Variants in GAN observed in about 807,000 individuals in gnomAD.
GAN encodes the protein epididymis secretory sperm binding protein.
Under a neutral mutation model 71.3 loss-of-function variants are expected in GAN, and 48 were observed. The ratio of observed to expected loss-of-function variants is 0.67; its 90% CI spans 0.53 to 0.86. The LOEUF is 0.86. Among genes scored for constraint, GAN ranks in the 40% least tolerant of loss-of-function variants. GAN has a pLI of 0.00. For synonymous variants in GAN, 386 were observed against 276.8 expected, an observed-to-expected ratio of 1.39 and a Z score of -3.92; for missense variants, 928 against 770.1, an observed-to-expected ratio of 1.21 and a Z score of -2.43.
rs1441344661 is a variant in GAN, at chr16:81,383,971, C to T, written c.*6375C>T. On this transcript the variant is annotated 3_prime_UTR_variant, in exon 11 of 11. Coordinates refer to ENST00000648994, the MANE Select transcript of GAN (RefSeq NM_022041.4). ...GGGTACCTTATTTTTATTGTTTTTACTCATCAGTTATGAATAAGGCATACC... is the reference window on the plus strand; with the variant it reads ...GGGTACCTTATTTTTATTGTTTTTATTCATCAGTTATGAATAAGGCATACC... The T allele has an allele frequency of 6.6e-6, 1 of 151,986 alleles. No individual in the cohort carries two copies. The highest frequency in any genetic ancestry group is 1.5e-5 in the Non-Finnish European group (1 of 68,006). The allele number at this position is 151,986 out of a possible 1,614,324, so 9.4% of individuals were successfully genotyped here.
intron 9 of GAN, among the ~76,000 whole-genome samples, chr16:81,368,066 C>T (rs76967320): frequency 0.032 from 4,864 of 152,232 alleles, 116 homozygotes; most frequent in Non-Finnish European, 0.05. Flanking sequence ...CTTGTCTTTC[C>T]TGTCTTTGTT....
At chr16:81,335,746 CAAAAAAA>C (rs55948723) in intron 1 of GAN, among the ~76,000 whole-genome samples, 1 of 103,482 alleles carries the variant, frequency 9.7e-6, no homozygotes, top group South Asian at 3.4e-4. Flanking sequence ...GACTCAGTCT[CAAAAAAA>C]AAAAAAAAAA....
chr16:81,375,146 A>G (rs1009628815), intron 9 of GAN, among the ~76,000 whole-genome samples: 6 of 152,134 alleles, frequency 3.9e-5, no homozygotes, highest in African/African-American at 1.4e-4. Context: ...GTTCTTCAAA[A>G]GAGTCCATTA....
chr16:81,377,341 C>T lies in GAN; in HGVS notation c.1612+13C>T, dbSNP rs80326128. On this transcript the variant is annotated intron_variant, in intron 10 of 10. Transcript: ENST00000648994. The stretch of plus-strand genomic sequence containing the variant: ...GATCTTGATACAGGTAAGAGTGTTA[C>T]AGTGATTTTCTTGGAACTGTTTCCT... The T allele has an allele frequency of 6.3e-7, 1 of 1,580,004 alleles. No individual in the cohort carries two copies. The highest frequency in any genetic ancestry group is 1.3e-5 in the African/African-American group (1 of 74,232).
chr16:81,349,524 G>C (rs1910229694), intron 1 of GAN, among the ~76,000 whole-genome samples: 1 of 152,096 alleles, frequency 6.6e-6, no homozygotes, highest in Non-Finnish European at 1.5e-5. Flanking sequence ...TGAGCCTGTA[G>C]TTCCGGCTAC....
Position 81,379,279 on chromosome 16 carries a change from C to T in GAN, c.*1683C>T, listed in dbSNP as rs936507124. On this transcript the variant is annotated 3_prime_UTR_variant, in exon 11 of 11. Coordinates refer to ENST00000648994, the MANE Select transcript of GAN (RefSeq NM_022041.4). ...TTCTTATACCTGCTGGAAGTCAGTA[C>T]AATGCGTCAAAAGTTGCTGAAAGAT... 6.6e-6 allele frequency: 1 copy of T among 152,060 alleles called. No homozygotes were observed. Among genetic ancestry groups the T allele is most frequent in the Admixed American group, 6.6e-5 (1 of 15,266 alleles). The allele number at this position is 152,060 out of a possible 1,614,324, so 9.4% of individuals were successfully genotyped here.
rs145580204 is a variant in GAN, at chr16:81,360,108, A to G, written c.973+2177A>G. 3.3e-3 allele frequency among the ~76,000 whole-genome samples: 501 copies of G among 152,258 alleles called. 3 individuals carry two copies. Among genetic ancestry groups the G allele is most frequent in the African/African-American group, 0.011 (473 of 41,558 alleles). On this transcript the variant is annotated intron_variant, in intron 5 of 10. Transcript: ENST00000648994. The stretch of plus-strand genomic sequence containing the variant: ...ACAGATAGGTAGATAGATGATTGAT[A>G]GACAGGCAGGTAGGTAGGTAGATAG...
At position 81,389,910 on chromosome 16, in the gene GAN, A is replaced by G. The variant is rs550783212; in HGVS notation, c.*12314A>G. 2 of 152,332 alleles carry G rather than the reference A, an allele frequency of 1.3e-5. No individual in the cohort carries two copies. The highest frequency in any genetic ancestry group is 3.9e-4 in the East Asian group (2 of 5,188). 9.4% of individuals were successfully genotyped at this position (152,332 alleles called of 1,614,324 possible). A position where few individuals can be genotyped will look rare whatever the true frequency, so the allele number is the denominator to read the frequency against. ...TCATTTTGATGCTTTGAATACTATA[A>G]GGAAAATGCCACGAATACCATATAA... On this transcript the variant is annotated 3_prime_UTR_variant, in exon 11 of 11. Coordinates refer to ENST00000648994, the MANE Select transcript of GAN (RefSeq NM_022041.4).
At chr16:81,326,297 C>A (rs146935863) in intron 1 of GAN, among the ~76,000 whole-genome samples, 2 of 151,242 alleles carry the variant, frequency 1.3e-5, no homozygotes, top group African/African-American at 4.9e-5. Context: ...GCGGGCAGAT[C>A]ACCTGAGGTT....
chr16:81,352,295 G>T (rs890162231), intron 2 of GAN, among the ~76,000 whole-genome samples: 1 of 152,124 alleles, frequency 6.6e-6, no homozygotes, highest in Non-Finnish European at 1.5e-5. Context: ...TGGGGACTTT[G>T]TGATACCCAG....
intron 5 of GAN, among the ~76,000 whole-genome samples, chr16:81,359,663 A>G (rs1269626256): frequency 1.3e-5 from 2 of 152,134 alleles, no homozygotes; most frequent in Non-Finnish European, 2.9e-5. Context: ...ATAAATATGT[A>G]CAGTAGATCC....
At chr16:81,356,326 C>CT (rs1426545988) in intron 3 of GAN, among the ~76,000 whole-genome samples, 29 of 151,588 alleles carry the variant, frequency 1.9e-4, no homozygotes, top group African/African-American at 6.8e-4. Context: ...TTTTTTTAAA[C>CT]TTTGGCTTTT....
chr16:81,318,986 A>AT (rs1909136245), intron 1 of GAN, among the ~76,000 whole-genome samples: 2 of 151,614 alleles, frequency 1.3e-5, no homozygotes, highest in African/African-American at 4.9e-5. Flanking sequence ...CCTGGGTGAG[A>AT]TTTTCTCTTT....
rs183221733 is a variant in GAN, at chr16:81,390,119, A to G, written c.*12523A>G. On this transcript the variant is annotated 3_prime_UTR_variant, in exon 11 of 11. Coordinates refer to ENST00000648994, the MANE Select transcript of GAN (RefSeq NM_022041.4). ...TATCTTTAATAAAGTCCTACTACTGAAAAACAGGGATTTGCAATGAAAATC... is the reference window on the plus strand; with the variant it reads ...TATCTTTAATAAAGTCCTACTACTGGAAAACAGGGATTTGCAATGAAAATC... 3.0e-4 allele frequency: 46 copies of G among 152,316 alleles called. No homozygotes were observed. The East Asian group carries it at 6.4e-3, about 21-fold the overall frequency. The allele number at this position is 152,316 out of a possible 1,614,324, so 9.4% of individuals were successfully genotyped here.
rs1353536334 is a variant in GAN, at chr16:81,386,608, C to T, written c.*9012C>T. ...TAATGTGCTCAGCTTGTCTTGATTT[C>T]AATAAGACATTTGATAAAGTCATTC... On this transcript the variant is annotated 3_prime_UTR_variant, in exon 11 of 11. Transcript: ENST00000648994. 1 of 152,180 alleles carries T rather than the reference C, an allele frequency of 6.6e-6. No individual in the cohort carries two copies. Among genetic ancestry groups the T allele is most frequent in the Non-Finnish European group, 1.5e-5 (1 of 68,052 alleles). 9.4% of individuals were successfully genotyped at this position (152,180 alleles called of 1,614,324 possible).
intron 1 of GAN, among the ~76,000 whole-genome samples, chr16:81,332,211 G>C (rs1292808740): frequency 1.3e-5 from 2 of 151,834 alleles, no homozygotes; most frequent in South Asian, 4.2e-4. Flanking sequence ...GGATGCTAGA[G>C]AAGCTTTCAG....
At chr16:81,334,426 C>T (rs535988728) in intron 1 of GAN, among the ~76,000 whole-genome samples, 6 of 152,282 alleles carry the variant, frequency 3.9e-5, no homozygotes, top group African/African-American at 1.2e-4. Flanking sequence ...TGAAACCTTT[C>T]CTGACTTTTC....
intron 1 of GAN, among the ~76,000 whole-genome samples, chr16:81,340,123 G>A (rs1394368725): frequency 2.0e-5 from 3 of 152,030 alleles, no homozygotes; most frequent in African/African-American, 7.3e-5. Flanking sequence ...GTTTTAAATA[G>A]AGATGAGGTC....
At chr16:81,358,281 A>G (rs1910557582) in intron 5 of GAN, among the ~76,000 whole-genome samples, 3 of 152,178 alleles carry the variant, frequency 2.0e-5, no homozygotes, top group Non-Finnish European at 4.4e-5. Flanking sequence ...CATCTTTGAA[A>G]TTCATGCAGC....
Sources: allele counts gnomAD v4.1 joint callset (sites outside exome capture counted in the v4.1 genomes callset), GRCh38; gene constraint gnomAD v4.1.1; transcripts MANE v1.5; gene names NCBI Gene and HGNC (gene_info 2026-07-23, HGNC 2026-07-21).